DNAH6: variants seen among roughly 807,000 people sequenced by gnomAD.
The protein encoded by DNAH6 is dynein axonemal heavy chain 6.
Under a neutral mutation model 491.4 loss-of-function variants are expected in DNAH6, and 340 were observed. The observed-to-expected ratio is 0.69, with a 90% CI of 0.63 to 0.76. The LOEUF is 0.76. DNAH6 is among the 30% of genes least tolerant of loss of function. DNAH6 has a pLI of 0.00. For synonymous variants in DNAH6, 1,603 were observed against 1,686.1 expected (o/e 0.95, Z 1.21); for missense variants, 4,443 against 4,972.2 (o/e 0.89, Z 3.20).
chr2:84,618,443 A>G (rs1034852740), intron 23 of DNAH6, among the ~76,000 whole-genome samples: 1 of 152,146 alleles, frequency 6.6e-6, no homozygotes, highest in African/African-American at 2.4e-5. Flanking sequence ...ACCTTACTGG[A>G]AAGAGATTCT....
intron 70 of DNAH6, among the ~76,000 whole-genome samples, 153 bp from the exon 71 acceptor site, chr2:84,805,512 C>T (rs1453176588): frequency 2.0e-5 from 3 of 151,898 alleles, no homozygotes; most frequent in South Asian, 2.1e-4. Context: ...GGGTAGATCT[C>T]ATGTTAATTG....
chr2:84,583,254 C>T (rs138290531), intron 14 of DNAH6, among the ~76,000 whole-genome samples: 180 of 152,316 alleles, frequency 1.2e-3, no homozygotes, highest in Non-Finnish European at 2.1e-3. Flanking sequence ...ATCGATCCCT[C>T]GGGCTGCTCT....
chr2:84,651,987 A>G (rs1690495517), intron 33 of DNAH6, among the ~76,000 whole-genome samples: 1 of 151,556 alleles, frequency 6.6e-6, no homozygotes, highest in Non-Finnish European at 1.5e-5. Context: ...TTGCTATTAT[A>G]TAAGATGGTA....
intron 65 of DNAH6, among the ~76,000 whole-genome samples, chr2:84,783,963 A>G (rs150354347): frequency 1.3e-5 from 2 of 152,188 alleles, no homozygotes; most frequent in African/African-American, 2.4e-5. Context: ...TGACCAAGAC[A>G]TGAAGAAAGT....
At chr2:84,472,154 A>G in the DNAH6 span, among the ~76,000 whole-genome samples, 1 of 152,008 alleles carries the variant, frequency 6.6e-6, no homozygotes, top group Non-Finnish European at 1.5e-5. Context: ...TGTAATGTTA[A>G]TAAAGCTAGA....
chr2:84,678,651 C>T (rs1693486845), intron 41 of DNAH6, among the ~76,000 whole-genome samples: 1 of 152,142 alleles, frequency 6.6e-6, no homozygotes. Context: ...TGGTCCCCAA[C>T]TCTCAACCTC....
At position 84,722,952 on chromosome 2, in the gene DNAH6, G is replaced by C. The variant is rs1048770063; in HGVS notation, c.9972+148G>C. Reference sequence around the variant, plus strand: ...AAGGTTCAAGAGTGGTTCCAGCCAGGCATGGTGGCTCACACCTGTAATCCC... The same window carrying C: ...AAGGTTCAAGAGTGGTTCCAGCCAGCCATGGTGGCTCACACCTGTAATCCC... On this transcript the variant is annotated intron_variant, in intron 60 of 76. Coordinates refer to ENST00000389394, the MANE Select transcript of DNAH6 (RefSeq NM_001370.2). The C allele has an allele frequency of 7.4e-6, 4 of 540,898 alleles. No individual in the cohort carries two copies. In the African/African-American group the frequency reaches 8.0e-5, roughly 11 times the overall value. The allele number at this position is 540,898 out of a possible 1,614,324, so 33.5% of individuals were successfully genotyped here.
intron 2 of DNAH6, among the ~76,000 whole-genome samples, chr2:84,525,055 AT>A (rs1558661929): frequency 6.6e-6 from 1 of 152,130 alleles, no homozygotes; most frequent in Non-Finnish European, 1.5e-5. Flanking sequence ...ACAAAAAGCC[AT>A]TATAATGAAT....
the DNAH6 span, among the ~76,000 whole-genome samples, chr2:84,462,670 C>T: frequency 1.3e-5 from 2 of 152,186 alleles, no homozygotes; most frequent in Non-Finnish European, 2.9e-5. Context: ...CAGGATAAAT[C>T]CCTATAGAAC....
intron 68 of DNAH6, among the ~76,000 whole-genome samples, chr2:84,792,462 T>C (rs901178341): frequency 2.0e-5 from 3 of 152,184 alleles, no homozygotes; most frequent in Admixed American, 2.0e-4. Context: ...ATTGTGGAGA[T>C]AGCAACATAA....
chr2:84,484,305 T>C, the DNAH6 span, among the ~76,000 whole-genome samples: 1 of 152,184 alleles, frequency 6.6e-6, no homozygotes, highest in Non-Finnish European at 1.5e-5. Flanking sequence ...AGTCTCCTTA[T>C]ACTTATTTTA....
chr2:84,616,531 T>C (rs1686869079), intron 22 of DNAH6, among the ~76,000 whole-genome samples: 1 of 152,130 alleles, frequency 6.6e-6, no homozygotes, highest in Admixed American at 6.6e-5. Flanking sequence ...TTGGTGTCCA[T>C]TTGCATGGAA....
intron 4 of DNAH6, among the ~76,000 whole-genome samples, chr2:84,543,392 A>T (rs1395315908): frequency 6.6e-6 from 1 of 152,160 alleles, no homozygotes; most frequent in Non-Finnish European, 1.5e-5. Flanking sequence ...AGCTCTCCTA[A>T]CAGAGAGAAA....
At position 84,595,548 on chromosome 2, in the gene DNAH6, T is replaced by C. The variant is rs545959816; in HGVS notation, c.2725-98T>C. ...TAAAGCCATTTCCAAAAGCATAGTG[T>C]AGATTTGGATTAACTTTTAAAAGTT... On this transcript the variant is annotated intron_variant, in intron 17 of 76. Coordinates refer to ENST00000389394, the MANE Select transcript of DNAH6 (RefSeq NM_001370.2). 4 of 1,083,776 alleles carry C rather than the reference T, an allele frequency of 3.7e-6. No homozygotes were observed. The East Asian group carries it at 1.1e-4, about 28-fold the overall frequency. The allele number at this position is 1,083,776 out of a possible 1,614,324, so 67.1% of individuals were successfully genotyped here. A position where few individuals can be genotyped will look rare whatever the true frequency, so the allele number is the denominator to read the frequency against.
At chr2:84,712,559 A>G (rs1447567789) in intron 56 of DNAH6, among the ~76,000 whole-genome samples, 1 of 152,204 alleles carries the variant, frequency 6.6e-6, no homozygotes, top group African/African-American at 2.4e-5. Flanking sequence ...CAGTTTTTGC[A>G]GGCCTCATGC....
upstream of DNAH6, among the ~76,000 whole-genome samples, chr2:84,515,267 T>G (rs1675515153): frequency 6.6e-6 from 1 of 152,212 alleles, no homozygotes; most frequent in African/African-American, 2.4e-5. Context: ...ATTTTTAAAA[T>G]TTTTTCTAAA....
intron 11 of DNAH6, among the ~76,000 whole-genome samples, chr2:84,572,287 G>A (rs1468587243): frequency 6.6e-6 from 1 of 152,164 alleles, no homozygotes; most frequent in African/African-American, 2.4e-5. Flanking sequence ...TTGAAGTTTA[G>A]GGAATTTTGG....
intron 18 of DNAH6, among the ~76,000 whole-genome samples, chr2:84,598,070 A>C (rs1684785200): frequency 1.3e-5 from 2 of 152,164 alleles, no homozygotes; most frequent in African/African-American, 2.4e-5. Context: ...AAAGAAATCT[A>C]TAGTGAGAAA....
intron 71 of DNAH6, 25 bp downstream of exon 71, chr2:84,805,819 T>C: frequency 6.5e-7 from 1 of 1,538,338 alleles, no homozygotes; most frequent in Non-Finnish European, 8.8e-7. Context: ...TAGGAATCTG[T>C]ATGTAATGGG....
Sources: gnomAD v4.1 joint callset for allele counts (sites outside exome capture counted in the v4.1 genomes callset) on GRCh38, gnomAD v4.1.1 for gene constraint, MANE v1.5 for transcripts, NCBI Gene and HGNC (gene_info 2026-07-23, HGNC 2026-07-21) for gene names.